The following NRG1 variants were observed in gnomAD, a reference collection of about 807,000 sequenced individuals.
NRG1 encodes the protein neuregulin 1.
In NRG1, 18 loss-of-function variants were observed where a neutral mutation model predicts 63.8. That is an observed-to-expected ratio of 0.28 (90% CI 0.19 to 0.42). The LOEUF is 0.42. NRG1 is among the 10% of genes least tolerant of loss of function. NRG1 has a pLI of 1.00. For missense variants in NRG1, 762 were observed against 814.7 expected (o/e 0.94, Z 0.79); for synonymous variants, 302 against 301.3 (o/e 1.00, Z -0.02).
At chr8:31,710,188 A>G (rs1220641885) in intron 1 of NRG1, among the ~76,000 whole-genome samples, 3 of 151,860 alleles carry the variant, frequency 2.0e-5, no homozygotes, top group African/African-American at 7.2e-5. Flanking sequence ...TTTTAAAATT[A>G]CCATGAGAAA....
chr8:32,547,026 T>C (rs965447422), upstream of NRG1, among the ~76,000 whole-genome samples: 5 of 152,162 alleles, frequency 3.3e-5, no homozygotes, highest in African/African-American at 9.7e-5. Flanking sequence ...AGTGAAGCAA[T>C]AGATTTTGAA....
At chr8:31,667,578 A>G (rs943672546) in intron 1 of NRG1, among the ~76,000 whole-genome samples, 6 of 152,190 alleles carry the variant, frequency 3.9e-5, no homozygotes, top group African/African-American at 1.4e-4. Flanking sequence ...AGGAAACTGC[A>G]CTGTGACTTA....
chr8:32,726,325 T>A (rs922121062), intron 5 of NRG1, among the ~76,000 whole-genome samples: 1 of 151,014 alleles, frequency 6.6e-6, no homozygotes, highest in Non-Finnish European at 1.5e-5. Flanking sequence ...TGAATGCCAA[T>A]TTTTTTTTGC....
intron 5 of NRG1, among the ~76,000 whole-genome samples, chr8:32,664,579 C>A (rs556115144): frequency 3.0e-4 from 45 of 151,148 alleles, no homozygotes; most frequent in African/African-American, 1.0e-3. Context: ...CTCACACACA[C>A]AAAAAAAACA....
intron 5 of NRG1, among the ~76,000 whole-genome samples, chr8:32,674,185 T>C (rs1806444892): frequency 6.6e-6 from 1 of 152,204 alleles, no homozygotes; most frequent in Non-Finnish European, 1.5e-5. Flanking sequence ...AACTGAAGAA[T>C]TCGTGTTTTG....
chr8:32,049,913 G>A (rs948833208), intron 1 of NRG1, among the ~76,000 whole-genome samples: 4 of 152,056 alleles, frequency 2.6e-5, no homozygotes, highest in Admixed American at 2.6e-4. Context: ...AGGCAGAGGT[G>A]GGTTGGGATC....
intron 1 of NRG1, among the ~76,000 whole-genome samples, chr8:32,498,182 G>A (rs190197617): frequency 6.6e-6 from 1 of 152,148 alleles, no homozygotes; most frequent in Non-Finnish European, 1.5e-5. Flanking sequence ...GAAAATCAAA[G>A]AAGTGGTTAG....
At chr8:31,770,865 C>T (rs962298389) in intron 1 of NRG1, among the ~76,000 whole-genome samples, 7 of 151,180 alleles carry the variant, frequency 4.6e-5, no homozygotes, top group South Asian at 2.1e-4. Flanking sequence ...GATAATGCTA[C>T]GGACAGTTCC....
intron 1 of NRG1, among the ~76,000 whole-genome samples, chr8:31,707,019 TTTTG>T (rs1466210340): frequency 6.6e-6 from 1 of 152,058 alleles, no homozygotes; most frequent in Non-Finnish European, 1.5e-5. Flanking sequence ...ATTTTTGTTT[TTTTG>T]TTTGTTATTT....
At chr8:32,619,445 A>T (rs1847948620) in intron 5 of NRG1, among the ~76,000 whole-genome samples, 1 of 152,140 alleles carries the variant, frequency 6.6e-6, no homozygotes, top group South Asian at 2.1e-4. Flanking sequence ...TTGTCAGGAC[A>T]TTGGTATTTA....
At chr8:32,270,662 A>C (rs968982513) in intron 1 of NRG1, among the ~76,000 whole-genome samples, 1 of 152,198 alleles carries the variant, frequency 6.6e-6, no homozygotes, top group African/African-American at 2.4e-5. Flanking sequence ...ACCAATTTCA[A>C]CATGAAGGTC....
intron 9 of NRG1, among the ~76,000 whole-genome samples, chr8:32,759,054 G>T (rs1437032615): frequency 1.3e-5 from 2 of 151,900 alleles, no homozygotes; most frequent in Non-Finnish European, 2.9e-5. Flanking sequence ...GGAATGATGG[G>T]CCGTACATTG....
At position 32,506,721 on chromosome 8, in the gene NRG1, G is replaced by A. The variant is rs1388220271; in HGVS notation, c.38-89107G>A. On this transcript the variant is annotated intron_variant, in intron 1 of 10. Coordinates refer to the NRG1 transcript ENST00000519301. The stretch of plus-strand genomic sequence containing the variant: ...TGCAGAAATCTTGGGGGGTATGTGG[G>A]GGGATCTTTTTGACTGGGCATGGTG... Among the ~76,000 whole-genome samples the A allele has an allele frequency of 4.0e-5, 6 of 151,864 alleles. No individual in the cohort carries two copies. The South Asian group carries it at 1.0e-3, about 26-fold the overall frequency.
At chr8:32,047,473 G>A (rs1821190479) in intron 1 of NRG1, among the ~76,000 whole-genome samples, 1 of 151,654 alleles carries the variant, frequency 6.6e-6, no homozygotes, top group African/African-American at 2.4e-5. Flanking sequence ...TCTTAACTAA[G>A]GATACAAAAA....
intron 1 of NRG1, among the ~76,000 whole-genome samples, chr8:31,901,696 A>G (rs1425536837): frequency 6.6e-6 from 1 of 152,224 alleles, no homozygotes; most frequent in East Asian, 1.9e-4. Flanking sequence ...TGTCTGGTAA[A>G]CAATCCATGA....
At chr8:31,800,247 A>G (rs1253306286) in intron 1 of NRG1, among the ~76,000 whole-genome samples, 1 of 152,216 alleles carries the variant, frequency 6.6e-6, no homozygotes, top group Non-Finnish European at 1.5e-5. Flanking sequence ...ATATTCTAAT[A>G]TCCACAAATG....
intron 6 of NRG1, among the ~76,000 whole-genome samples, chr8:32,733,544 C>T (rs937218805): frequency 1.2e-4 from 19 of 152,066 alleles, no homozygotes; most frequent in Non-Finnish European, 1.9e-4. Context: ...CAGACCTTGG[C>T]AATGACCTTG....
chr8:32,190,004 T>C (rs1246149157), intron 1 of NRG1, among the ~76,000 whole-genome samples: 1 of 152,182 alleles, frequency 6.6e-6, no homozygotes, highest in African/African-American at 2.4e-5. Flanking sequence ...TTTCAGTCCT[T>C]CTTCTCTATT....
At chr8:31,654,906 ACT>A (rs1438197987) in intron 1 of NRG1, among the ~76,000 whole-genome samples, 1 of 152,184 alleles carries the variant, frequency 6.6e-6, no homozygotes, top group Non-Finnish European at 1.5e-5. Flanking sequence ...GCATCACTGC[ACT>A]CTAGCCTGGG....
Sources: gnomAD v4.1 joint callset for allele counts (sites outside exome capture counted in the v4.1 genomes callset) on GRCh38, gnomAD v4.1.1 for gene constraint, MANE v1.5 for transcripts, NCBI Gene and HGNC (gene_info 2026-07-23, HGNC 2026-07-21) for gene names.